Variants in PRR12 observed in about 807,000 individuals in gnomAD.
The protein encoded by PRR12 is proline-rich protein 12.
Under a neutral mutation model 138.0 loss-of-function variants are expected in PRR12, and 12 were observed. The ratio of observed to expected loss-of-function variants is 0.09; its 90% CI spans 0.06 to 0.14. PRR12 has a LOEUF of 0.14. PRR12 is among the 10% of genes least tolerant of loss of function. The probability of loss-of-function intolerance (pLI) is 1.00; values close to 1 mark genes in which losing one functional copy is unlikely to be tolerated. For missense variants in PRR12, 2,692 were observed against 2,861.3 expected (o/e 0.94, Z 1.35); for synonymous variants, 1,567 against 1,291.7 (o/e 1.21, Z -4.57).
chr19:49,592,056 G>A (rs967633402), intron 1 of PRR12, among the ~76,000 whole-genome samples: 2 of 152,168 alleles, frequency 1.3e-5, no homozygotes, highest in Non-Finnish European at 2.9e-5. Context: ...CCCATCCTTG[G>A]ATTCCCGGCT....
At chr19:49,621,360 G>T in intron 10 of PRR12, among the ~76,000 whole-genome samples, 165 bp from the exon 11 acceptor site, 1 of 149,952 alleles carries the variant, frequency 6.7e-6, no homozygotes, top group African/African-American at 2.5e-5. Context: ...GAGGGAGGAG[G>T]GAGCTGGGGC....
chr19:49,619,797 C>T (rs1205363570), intron 9 of PRR12, among the ~76,000 whole-genome samples: 1 of 151,460 alleles, frequency 6.6e-6, no homozygotes, highest in Non-Finnish European at 1.5e-5. Context: ...CTGCCTCGGC[C>T]TCCCAAAGTG....
In PRR12 at chr19:49,625,379, ACCCCAGG is replaced by A. The variant is rs893355328; in HGVS notation, c.5965-76_5965-70del. On this transcript the variant is annotated intron_variant, in intron 13 of 13. Transcript: ENST00000418929. The surrounding 1 kb of genome is among the most constrained non-coding windows in gnomAD (Gnocchi z 5.5). ...TCTCCCTGGGACACTGACATCTGACACCCCAGGCCCCATGCCCCAGCCCCTTCCCTCC... is the reference window on the plus strand; with the variant it reads ...TCTCCCTGGGACACTGACATCTGACACCCCATGCCCCAGCCCCTTCCCTCC... The A allele has an allele frequency of 1.4e-6, 2 of 1,465,060 alleles. No homozygotes were observed. Among genetic ancestry groups the A allele is most frequent in the African/African-American group, 2.8e-5 (2 of 71,232 alleles). The allele number at this position is 1,465,060 out of a possible 1,614,324, so 90.8% of individuals were successfully genotyped here.
rs2080787142 is a variant in PRR12, at chr19:49,598,053, G to A, written c.3678+40G>A. Reference sequence around the variant, plus strand: ...GGTCTTGTAGGGGATAGGGGAGGAGGAGCTGTGTCCGATGTTTGAGTCTTT... The same window carrying A: ...GGTCTTGTAGGGGATAGGGGAGGAGAAGCTGTGTCCGATGTTTGAGTCTTT... On this transcript the variant is annotated intron_variant, in intron 4 of 13. Transcript: ENST00000418929. 2.3e-6 allele frequency: 3 copies of A among 1,290,180 alleles called. No homozygotes were observed. In the African/African-American group the frequency reaches 4.6e-5, roughly 20 times the overall value. The allele number at this position is 1,290,180 out of a possible 1,614,324, so 79.9% of individuals were successfully genotyped here. A position where few individuals can be genotyped will look rare whatever the true frequency, so the allele number is the denominator to read the frequency against.
chr19:49,602,053 T>C lies in PRR12; in HGVS notation c.4773+135T>C, dbSNP rs1014586473. 5 of 1,107,072 alleles carry C rather than the reference T, an allele frequency of 4.5e-6. No homozygotes were observed. The African/African-American group carries it at 6.3e-5, about 14-fold the overall frequency. 68.6% of individuals were successfully genotyped at this position (1,107,072 alleles called of 1,614,324 possible). ...CGGGCCGCCCTGGAATTTGCAGTCC[T>C]ATGGGGCTGATAGAGGTGTCGAGGA... On this transcript the variant is annotated intron_variant, in intron 6 of 13. Transcript: ENST00000418929.
intron 11 of PRR12, among the ~76,000 whole-genome samples, chr19:49,622,958 AAG>A (rs1326451216): frequency 7.4e-5 from 7 of 94,430 alleles, no homozygotes; most frequent in East Asian, 2.8e-4. Flanking sequence ...GAGAGAGAGA[AAG>A]AGAGAGAGAG....
chr19:49,610,180 G>A (rs1219075114), intron 6 of PRR12, among the ~76,000 whole-genome samples: 1 of 151,858 alleles, frequency 6.6e-6, no homozygotes, highest in Non-Finnish European at 1.5e-5. Context: ...TCACCATGTC[G>A]GCCAGGCTGG....
Position 49,601,787 on chromosome 19 carries a change from C to G in PRR12, c.4642C>G (p.Leu1548Val). The change falls in exon 6 of 14, where the codon CTG (leucine) becomes GTG (valine). Residue 1548 changes from leucine (L) to valine (V), a missense_variant. Coordinates refer to ENST00000418929, the MANE Select transcript of PRR12 (RefSeq NM_020719.3). ...PELPDTRPLHLAKKQETAAVC... is the reference protein window; with the variant it reads ...PELPDTRPLHVAKKQETAAVC... The stretch of plus-strand genomic sequence containing the variant: ...GCTGCCGGACACCCGGCCCCTGCAT[C>G]TGGCCAAAAAGCAGGAGACGGCGGC... 6.2e-7 allele frequency: 1 copy of G among 1,609,166 alleles called. No individual in the cohort carries two copies. Among genetic ancestry groups the G allele is most frequent in the Non-Finnish European group, 8.5e-7 (1 of 1,178,828 alleles).
intron 1 of PRR12, among the ~76,000 whole-genome samples, chr19:49,592,399 C>G (rs1014346736): frequency 6.6e-6 from 1 of 152,190 alleles, no homozygotes; most frequent in African/African-American, 2.4e-5. Flanking sequence ...TGGCCACGGA[C>G]TGGTGCCGTT....
At chr19:49,605,662 A>G (rs566312644) in intron 6 of PRR12, among the ~76,000 whole-genome samples, 1 of 152,370 alleles carries the variant, frequency 6.6e-6, no homozygotes, top group South Asian at 2.1e-4. Flanking sequence ...GCCCTGGGGC[A>G]GGGACTTTGA....
At chr19:49,621,648 G>T in intron 11 of PRR12, 26 bp downstream of exon 11, 3 of 1,542,780 alleles carry the variant, frequency 1.9e-6, no homozygotes, top group Non-Finnish European at 2.6e-6. Flanking sequence ...GGCAGGGGGT[G>T]TCTGGGGCCC....
chr19:49,602,481 A>T (rs755917045), intron 6 of PRR12, among the ~76,000 whole-genome samples: 1 of 152,248 alleles, frequency 6.6e-6, no homozygotes, highest in Non-Finnish European at 1.5e-5. Flanking sequence ...AGCCTAGGCA[A>T]CATAATGAAA....
rs530492852 is a variant in PRR12 at position 49,621,440 on chromosome 19, T to C, written c.5624-85T>C. 3 of 1,078,286 alleles carry C rather than the reference T, an allele frequency of 2.8e-6. No homozygotes were observed. In the East Asian group the frequency reaches 7.8e-5, roughly 28 times the overall value. 66.8% of individuals were successfully genotyped at this position (1,078,286 alleles called of 1,614,324 possible). A position where few individuals can be genotyped will look rare whatever the true frequency, so the allele number is the denominator to read the frequency against. Reference sequence around the variant, plus strand: ...TTTGTCTCTGAGTGGGAAGGGGATTTGGGGACCCAGACTCCATGACCCCAC... The same window carrying C: ...TTTGTCTCTGAGTGGGAAGGGGATTCGGGGACCCAGACTCCATGACCCCAC... On this transcript the variant is annotated intron_variant, in intron 10 of 13. Transcript: ENST00000418929.
At position 49,595,106 on chromosome 19, in the gene PRR12, T is replaced by A; in HGVS notation, c.771T>A (p.Ala257=). The change falls in exon 4 of 14, where the codon GCT becomes GCA. Residue 257 remains alanine (A), a synonymous_variant. Transcript: ENST00000418929. ...LLASSSAAAA[A]AEQSSPQLYN... Reference sequence around the variant, plus strand: ...CTTCCTCTTCCGCTGCCGCCGCCGCTGCCGAGCAGTCCTCCCCACAGCTCT... The same window carrying A: ...CTTCCTCTTCCGCTGCCGCCGCCGCAGCCGAGCAGTCCTCCCCACAGCTCT... 1 of 1,611,272 alleles carries A rather than the reference T, an allele frequency of 6.2e-7. No homozygotes were observed. Among genetic ancestry groups the A allele is most frequent in the Non-Finnish European group, 8.5e-7 (1 of 1,179,558 alleles).
chr19:49,596,201 G>C lies in PRR12; in HGVS notation c.1866G>C (p.Ser622=), dbSNP rs760157567. ...AGGYKGKGDG[S]ELLAGPGGPP... Reference sequence around the variant, plus strand: ...GCTACAAGGGCAAGGGGGATGGCTCGGAGCTGCTGGCGGGCCCAGGTGGGC... The same window carrying C: ...GCTACAAGGGCAAGGGGGATGGCTCCGAGCTGCTGGCGGGCCCAGGTGGGC... Residue 622 remains serine, a synonymous_variant, in exon 4 of 14, where the codon TCG becomes TCC. Coordinates refer to ENST00000418929, the MANE Select transcript of PRR12 (RefSeq NM_020719.3). This position sits in a 1 kb window ranked among gnomAD's most constrained non-coding sequence, Gnocchi z 5.6. 6 of 1,610,910 alleles carry C rather than the reference G, an allele frequency of 3.7e-6. No individual in the cohort carries two copies. In the South Asian group the frequency reaches 5.5e-5, roughly 15 times the overall value.
In PRR12 at chr19:49,595,092, G is replaced by A. The variant is rs758445210; in HGVS notation, c.757G>A (p.Ala253Thr). The A allele has an allele frequency of 9.8e-5, 158 of 1,609,114 alleles. No individual in the cohort carries two copies. The highest frequency in any genetic ancestry group is 1.2e-4 in the Non-Finnish European group (143 of 1,179,236). The stretch of plus-strand genomic sequence containing the variant: ...GTTCAACCTGCTGGCTTCCTCTTCC[G>A]CTGCCGCCGCCGCTGCCGAGCAGTC... ...TQFNLLASSS[A>T]AAAAAEQSSP... is the part of the protein sequence containing the mutation. The change falls in exon 4 of 14, where the codon GCT becomes ACT. Residue 253 changes from alanine to threonine, a missense_variant. Ala to Thr is a moderately conservative substitution (Grantham distance 58). This residue lies in a region of PRR12 where 523 missense variants were observed against 496.4 expected (regional missense o/e 1.05). Coordinates refer to ENST00000418929, the MANE Select transcript of PRR12 (RefSeq NM_020719.3).
intron 6 of PRR12, among the ~76,000 whole-genome samples, chr19:49,612,209 A>T (rs2080870356): frequency 6.7e-6 from 1 of 148,582 alleles, no homozygotes; most frequent in African/African-American, 2.5e-5. Flanking sequence ...CAGCCTGGCG[A>T]CAGAGCAAGA....
Position 49,595,805 on chromosome 19 carries a change from C to T in PRR12, c.1470C>T (p.Gly490=), listed in dbSNP as rs1473292167. 2 of 1,598,458 alleles carry T rather than the reference C, an allele frequency of 1.3e-6. No individual in the cohort carries two copies. Among genetic ancestry groups the T allele is most frequent in the East Asian group, 2.2e-5 (1 of 44,460 alleles). Residue 490 remains glycine (G), a synonymous_variant, in exon 4 of 14, where the codon GGC becomes GGT. Coordinates refer to ENST00000418929, the MANE Select transcript of PRR12 (RefSeq NM_020719.3). ...CCCCCAGCGGCCCCCCTCCTCCTGGCCTGGCCACATGTCAGAGCTACTCCC... is the reference window on the plus strand; with the variant it reads ...CCCCCAGCGGCCCCCCTCCTCCTGGTCTGGCCACATGTCAGAGCTACTCCC... The part of the protein sequence containing the change: ...PQPPSGPPPP[G]LATCQSYSPD...
chr19:49,606,416 AT>A (rs1568427059), intron 6 of PRR12, among the ~76,000 whole-genome samples: 1 of 149,804 alleles, frequency 6.7e-6, no homozygotes, highest in East Asian at 2.0e-4. Context: ...CATTCAAGCG[AT>A]TCTTCTGCCT....
Sources: gnomAD v4.1 joint callset for allele counts (sites outside exome capture counted in the v4.1 genomes callset) on GRCh38, gnomAD v4.1.1 for gene constraint, gnomAD v4.1.1 regional missense constraint, Gnocchi (gnomAD v3.1) non-coding constraint, MANE v1.5 for transcripts, NCBI Gene and HGNC (gene_info 2026-07-23, HGNC 2026-07-21) for gene names.